Variants in ZNF880 observed in about 807,000 individuals in gnomAD.
The protein encoded by ZNF880 is zinc finger protein LOC400713.
In ZNF880, 12 loss-of-function variants were observed where a neutral mutation model predicts 11.8. The observed-to-expected ratio is 1.02, with a 90% CI of 0.65 to 1.65. The LOEUF is 1.65. Ranked by LOEUF, ZNF880 falls within the 40% of genes most tolerant of loss-of-function variation. The pLI is 0.00. For missense variants in ZNF880, 601 were observed against 673.9 expected (o/e 0.89, Z 1.20); for synonymous variants, 210 against 232.4 (o/e 0.90, Z 0.88).
In ZNF880 at chr19:52,378,588, A is replaced by G. The variant is rs1402011622; in HGVS notation, c.268+4161A>G. Among the ~76,000 whole-genome samples, 22 of 147,578 alleles carry G rather than the reference A, an allele frequency of 1.5e-4. No homozygotes were observed. In the Admixed American group the frequency reaches 1.5e-3, roughly 10 times the overall value. ...CTTCAACCCGGGAGGTGGAGGTTGC[A>G]GTGAGCCAAGATCGTGCCACTGCAC... On this transcript the variant is annotated intron_variant, in intron 3 of 3. Coordinates refer to ENST00000422689, the MANE Select transcript of ZNF880 (RefSeq NM_001145434.2).
chr19:52,388,185 T>C (rs1490266097), downstream of ZNF880, among the ~76,000 whole-genome samples: 1 of 150,944 alleles, frequency 6.6e-6, no homozygotes, highest in Non-Finnish European at 1.5e-5. Context: ...GCCCATAAAT[T>C]TTAAGAATGG....
At chr19:52,372,883 T>C (rs201983869) in intron 1 of ZNF880, among the ~76,000 whole-genome samples, 18 of 139,902 alleles carry the variant, frequency 1.3e-4, no homozygotes, top group Middle Eastern at 4.1e-3. Flanking sequence ...GCACTCCAGC[T>C]TGGGCGACAG....
chr19:52,379,409 T>C (rs1211394036), intron 3 of ZNF880: 5 of 427,842 alleles, frequency 1.2e-5, no homozygotes, highest in East Asian at 7.1e-5. Context: ...TTTCTTTTTT[T>C]TTTTTTGATA....
chr19:52,385,398 G>A lies in ZNF880; in HGVS notation c.*84G>A, dbSNP rs1197609937. 3.5e-6 allele frequency: 5 copies of A among 1,420,196 alleles called. No homozygotes were observed. Among genetic ancestry groups the A allele is most frequent in the Non-Finnish European group, 4.7e-6 (5 of 1,052,766 alleles). The allele number at this position is 1,420,196 out of a possible 1,614,324, so 88.0% of individuals were successfully genotyped here. A position where few individuals can be genotyped will look rare whatever the true frequency, so the allele number is the denominator to read the frequency against. ...ATTCATGAGAGAGTTCTTACAAACTGAGTATGGCAAACTCTTCATGCTAAG... is the reference window on the plus strand; with the variant it reads ...ATTCATGAGAGAGTTCTTACAAACTAAGTATGGCAAACTCTTCATGCTAAG... On this transcript the variant is annotated 3_prime_UTR_variant, in exon 4 of 4. Coordinates refer to ENST00000422689, the MANE Select transcript of ZNF880 (RefSeq NM_001145434.2).
upstream of ZNF880, chr19:52,369,836 A>G: frequency 1.6e-6 from 2 of 1,216,854 alleles, no homozygotes; most frequent in Non-Finnish European, 2.4e-6. Flanking sequence ...CCAAAACGAG[A>G]CGAGCTGGGA....
intron 3 of ZNF880, chr19:52,374,836 A>G (rs956753746): frequency 1.4e-5 from 5 of 367,304 alleles, no homozygotes; most frequent in African/African-American, 2.1e-5. Flanking sequence ...TTGGGCTCAT[A>G]TGATCATCTC....
intron 3 of ZNF880, among the ~76,000 whole-genome samples, chr19:52,380,729 T>G (rs1472543627): frequency 6.6e-6 from 1 of 152,210 alleles, no homozygotes; most frequent in Admixed American, 6.5e-5. Flanking sequence ...TAGGCTGGAG[T>G]GCAGTGGTAC....
chr19:52,374,463 A>ATT (rs376324069), intron 3 of ZNF880, 36 bp downstream of exon 3: 55 of 1,263,722 alleles, frequency 4.4e-5, no homozygotes, highest in Admixed American at 2.0e-4. Flanking sequence ...AGGCCCCATA[A>ATT]TTTTTTTTTT....
At chr19:52,386,170 T>TGA (rs1986881054), downstream of ZNF880, among the ~76,000 whole-genome samples, 1 of 42,410 alleles carries the variant, frequency 2.4e-5, no homozygotes, top group Non-Finnish European at 4.5e-5. Context: ...AGACTCTGTC[T>TGA]CAAAAAAAAA....
intron 3 of ZNF880, among the ~76,000 whole-genome samples, chr19:52,376,501 C>T (rs1158197854): frequency 7.5e-5 from 2 of 26,704 alleles, no homozygotes; most frequent in Non-Finnish European, 1.7e-4. Context: ...GCACCGCCCC[C>T]CCCCCCCCTT....
At chr19:52,394,382 T>C in the ZNF880 span, among the ~76,000 whole-genome samples, 1 of 152,076 alleles carries the variant, frequency 6.6e-6, no homozygotes, top group African/African-American at 2.4e-5. Flanking sequence ...ACTGCAGGCA[T>C]GTGCCACCAT....
Position 52,384,572 on chromosome 19 carries a change from A to G in ZNF880, c.992A>G (p.Lys331Arg). The change falls in exon 4 of 4, where the codon AAA (lysine) becomes AGA (arginine). Residue 331 changes from lysine to arginine, a missense_variant. Around this residue, in one of 3 missense-constraint regions of ZNF880, gnomAD observed 420 missense variants for 442.6 expected, o/e 0.95. Coordinates refer to ENST00000422689, the MANE Select transcript of ZNF880 (RefSeq NM_001145434.2). ...CCTTACAAATGTAAGGAATGTGGCA[A>G]AGCATTTTCAGGGGGTTCAGGCCTT... ...EKPYKCKECG[K>R]AFSGGSGLTA... 1 of 1,613,760 alleles carries G rather than the reference A, an allele frequency of 6.2e-7. No homozygotes were observed. Among genetic ancestry groups the G allele is most frequent in the Non-Finnish European group, 8.5e-7 (1 of 1,179,870 alleles).
intron 1 of ZNF880, 29 bp from the exon 2 acceptor site, chr19:52,373,082 C>G: frequency 1.9e-6 from 3 of 1,609,894 alleles, no homozygotes; most frequent in Non-Finnish European, 2.5e-6. Flanking sequence ...GTGTGATATC[C>G]TGTTGGTGAA....
chr19:52,373,669 A>ATTCTTTTTTT (rs1986461292), intron 2 of ZNF880, among the ~76,000 whole-genome samples: 22 of 102,566 alleles, frequency 2.1e-4, no homozygotes, highest in African/African-American at 8.1e-4. Context: ...AAATACTGTA[A>ATTCTTTTTTT]TTTTTTTTTT....
At chr19:52,394,714 T>G in the ZNF880 span, 1 of 152,242 alleles carries the variant, frequency 6.6e-6, no homozygotes, top group Non-Finnish European at 1.5e-5. Context: ...TTTATAATTC[T>G]GTAAGTCACA....
In ZNF880 at chr19:52,384,804, C is replaced by T. The variant is rs1483347397; in HGVS notation, c.1224C>T (p.Tyr408=). 3.1e-6 allele frequency: 5 copies of T among 1,611,606 alleles called. No individual in the cohort carries two copies. The highest frequency in any genetic ancestry group is 4.2e-6 in the Non-Finnish European group (5 of 1,178,454). The change falls in exon 4 of 4, where the codon TAC becomes TAT. Residue 408 remains tyrosine (Y), a synonymous_variant. Coordinates refer to ENST00000422689, the MANE Select transcript of ZNF880 (RefSeq NM_001145434.2). ...GAATGCACACGGGAGAGCAACCTTA[C>T]AAATGTAATGAATGTGGCAAAGCAT... The part of the protein sequence containing the change: ...HHRMHTGEQP[Y]KCNECGKAFR...
chr19:52,379,174 G>C (rs1986638859), intron 3 of ZNF880, among the ~76,000 whole-genome samples: 1 of 152,004 alleles, frequency 6.6e-6, no homozygotes, highest in African/African-American at 2.4e-5. Context: ...TATATGTGTG[G>C]GGATGTTGTA....
chr19:52,374,091 A>C (rs945559550), intron 2 of ZNF880, among the ~76,000 whole-genome samples: 5 of 151,052 alleles, frequency 3.3e-5, no homozygotes, highest in Admixed American at 3.3e-4. Flanking sequence ...TTTGAGACAG[A>C]GTCTCGCTCT....
At chr19:52,375,026 C>A (rs707311) in intron 3 of ZNF880, among the ~76,000 whole-genome samples, 24,638 of 151,932 alleles carry the variant, frequency 0.16, 2,190 homozygotes, top group African/African-American at 0.24. Context: ...CATGACCCAC[C>A]ATGCCTGGCC....
Sources: gnomAD v4.1 joint callset for allele counts (sites outside exome capture counted in the v4.1 genomes callset) on GRCh38, gnomAD v4.1.1 for gene constraint, gnomAD v4.1.1 regional missense constraint, MANE v1.5 for transcripts, NCBI Gene and HGNC (gene_info 2026-07-23, HGNC 2026-07-21) for gene names.